Variants in PUS1 observed in about 807,000 individuals in gnomAD.
PUS1 encodes the protein pseudouridine synthase 1.
In PUS1, 25 loss-of-function variants were observed where a neutral mutation model predicts 38.5. That is an observed-to-expected ratio of 0.65 (90% CI 0.47 to 0.91). PUS1 has a LOEUF of 0.91. Ranked by LOEUF, PUS1 falls within the 40% of genes least tolerant of loss-of-function variation. The probability of loss-of-function intolerance (pLI) is 0.00; values close to 1 mark genes in which losing one functional copy is unlikely to be tolerated. For synonymous variants in PUS1, 282 were observed against 260.4 expected, an observed-to-expected ratio of 1.08 and a Z score of -0.80; for missense variants, 597 against 612.3, an observed-to-expected ratio of 0.97 and a Z score of 0.26.
At chr12:131,934,426 A>T (rs1003452518) in intron 3 of PUS1, among the ~76,000 whole-genome samples, 27 of 152,186 alleles carry the variant, frequency 1.8e-4, no homozygotes, top group Non-Finnish European at 3.1e-4. Flanking sequence ...CAGGGGGCTC[A>T]CACCCTTGTC....
At chr12:131,933,627 C>A (rs779766652) in intron 3 of PUS1, among the ~76,000 whole-genome samples, 3 of 152,154 alleles carry the variant, frequency 2.0e-5, no homozygotes, top group Admixed American at 1.3e-4. Flanking sequence ...GAAGCACATG[C>A]CAAGTGGTCC....
Position 131,932,164 on chromosome 12 carries a change from C to T in PUS1, c.304-11C>T, listed in dbSNP as rs1593288567. On this transcript the variant is annotated splice_polypyrimidine_tract_variant and intron_variant, in intron 2 of 5. Transcript: ENST00000376649. Reference sequence around the variant, plus strand: ...CAAAATATAAAATCTGTTTTTGTCTCCTTTTTCCAGAGGAATGTCGGGTCC... The same window carrying T: ...CAAAATATAAAATCTGTTTTTGTCTTCTTTTTCCAGAGGAATGTCGGGTCC... 2 of 1,613,770 alleles carry T rather than the reference C, an allele frequency of 1.2e-6. No individual in the cohort carries two copies. Among genetic ancestry groups the T allele is most frequent in the Non-Finnish European group, 1.7e-6 (2 of 1,179,782 alleles).
chr12:131,930,077 C>A lies in PUS1; in HGVS notation c.245C>A (p.Pro82His). The change falls in exon 2 of 6, where the codon CCC becomes CAC. Residue 82 changes from proline (P) to histidine (H), a missense_variant. Physicochemically the swap from Pro to His is moderately conservative, Grantham distance 77. Coordinates refer to ENST00000376649, the MANE Select transcript of PUS1 (RefSeq NM_025215.6). ...GGDEERREKP[P>H]KRKIVLLMAY... The stretch of plus-strand genomic sequence containing the variant: ...GACGAGGAGCGGCGCGAGAAGCCGC[C>A]CAAGCGGAAGATCGTGCTGCTCATG... The A allele has an allele frequency of 7.0e-7, 1 of 1,437,128 alleles. No homozygotes were observed. The allele number at this position is 1,437,128 out of a possible 1,614,324, so 89.0% of individuals were successfully genotyped here.
At position 131,943,579 on chromosome 12, in the gene PUS1, C is replaced by A; in HGVS notation, c.1277C>A (p.Thr426Asn). 1 of 1,613,336 alleles carries A rather than the reference C, an allele frequency of 6.2e-7. No individual in the cohort carries two copies. The highest frequency in any genetic ancestry group is 8.5e-7 in the Non-Finnish European group (1 of 1,179,518). ...GAAGGCAGTGAAGGGGACGGAGACA[C>A]TGACTGAGGCGATGGGAGCTGCCCA... ...PLEGSEGDGD[T>N]D Residue 426 changes from threonine (T) to asparagine (N), a missense_variant, in exon 6 of 6, where the codon ACT (threonine) becomes AAT (asparagine). Transcript: ENST00000376649.
rs140067992 is a variant in PUS1 at position 131,930,039 on chromosome 12, C to G, written c.207C>G (p.Leu69=). Residue 69 remains leucine (L), a synonymous_variant, in exon 2 of 6, where the codon CTC becomes CTG. Coordinates refer to ENST00000376649, the MANE Select transcript of PUS1 (RefSeq NM_025215.6). ...WEDGEHPAKK[L]KSGGDEERRE... ...ACGGAGAACATCCGGCGAAGAAGCT[C>G]AAGAGCGGTGGCGACGAGGAGCGGC... is the stretch of plus-strand genomic sequence containing the variant. The G allele has an allele frequency of 1.0e-4, 150 of 1,462,796 alleles. 1 individual carries two copies. The highest frequency in any genetic ancestry group is 7.9e-4 in the South Asian group (55 of 69,218). The allele number at this position is 1,462,796 out of a possible 1,614,324, so 90.6% of individuals were successfully genotyped here.
At chr12:131,930,697 C>T (rs536724670) in intron 2 of PUS1, among the ~76,000 whole-genome samples, 15 of 152,222 alleles carry the variant, frequency 9.9e-5, no homozygotes, top group Admixed American at 3.3e-4. Flanking sequence ...CCACACTGCT[C>T]GCTGCAGCCT....
chr12:131,938,520 G>A (rs560180499), intron 3 of PUS1, among the ~76,000 whole-genome samples: 19 of 152,240 alleles, frequency 1.2e-4, no homozygotes, highest in African/African-American at 4.1e-4. Flanking sequence ...TAAAGTGTGC[G>A]AGTCTTAAGT....
At position 131,929,901 on chromosome 12, in the gene PUS1, C is replaced by A. The variant is rs985654403; in HGVS notation, c.75-6C>A. 2 of 1,439,716 alleles carry A rather than the reference C, an allele frequency of 1.4e-6. No homozygotes were observed. Among genetic ancestry groups the A allele is most frequent in the African/African-American group, 1.5e-5 (1 of 67,236 alleles). 89.2% of individuals were successfully genotyped at this position (1,439,716 alleles called of 1,614,324 possible). A position where few individuals can be genotyped will look rare whatever the true frequency, so the allele number is the denominator to read the frequency against. On this transcript the variant is annotated splice_polypyrimidine_tract_variant and splice_region_variant and intron_variant, in intron 1 of 5. Coordinates refer to ENST00000376649, the MANE Select transcript of PUS1 (RefSeq NM_025215.6). Reference sequence around the variant, plus strand: ...GGGCCCCCGCTCACGCCGCCCTTCTCCGCAGCTCGCCGCGCATGGCCGGGA... The same window carrying A: ...GGGCCCCCGCTCACGCCGCCCTTCTACGCAGCTCGCCGCGCATGGCCGGGA...
At position 131,941,299 on chromosome 12, in the gene PUS1, G is replaced by A. The variant is rs1481004716; in HGVS notation, c.552G>A (p.Lys184=). Residue 184 remains lysine, a synonymous_variant, in exon 5 of 6, where the codon AAG becomes AAA. Coordinates refer to ENST00000376649, the MANE Select transcript of PUS1 (RefSeq NM_025215.6). This position sits in a 1 kb window ranked among gnomAD's most constrained non-coding sequence, Gnocchi z 4.4. The part of the protein sequence containing the change: ...LPSHIRILGL[K]RVTGGFNSKN... ...TGACCACCTCCCCCCTAGGACTGAA[G>A]CGGGTCACGGGCGGGTTTAACTCCA... 1 of 1,614,040 alleles carries A rather than the reference G, an allele frequency of 6.2e-7. No homozygotes were observed. The highest frequency in any genetic ancestry group is 8.5e-7 in the Non-Finnish European group (1 of 1,180,022).
intron 1 of PUS1, 23 bp from the exon 2 acceptor site, chr12:131,929,884 G>T (rs1302994119): frequency 8.5e-7 from 1 of 1,170,330 alleles, no homozygotes; most frequent in Non-Finnish European, 1.1e-6. Flanking sequence ...GCGGGCCCCC[G>T]CTCACGCCGC....
rs1855313415 is a variant in PUS1 at position 131,944,381 on chromosome 12, G to A, written c.*795G>A. 6.6e-6 allele frequency: 1 copy of A among 152,218 alleles called. No homozygotes were observed. Among genetic ancestry groups the A allele is most frequent in the Non-Finnish European group, 1.5e-5 (1 of 68,156 alleles). The allele number at this position is 152,218 out of a possible 1,614,324, so 9.4% of individuals were successfully genotyped here. ...ATACAAAAATTAGCTGGGCGCGATG[G>A]TGGGCGCCTGTAATCCCAGCTACTT... On this transcript the variant is annotated 3_prime_UTR_variant, in exon 6 of 6. Transcript: ENST00000376649.
rs1409310120 is a variant in PUS1, at chr12:131,942,595, A to AC, written c.1236+612_1236+613insC. Reference sequence around the variant, plus strand: ...CTCATTTTTTGTATTTTTAGTAGAGATGGGGTTTCACCATGTTAGCCAGGA... The same window carrying AC: ...CTCATTTTTTGTATTTTTAGTAGAGACTGGGGTTTCACCATGTTAGCCAGGA... On this transcript the variant is annotated intron_variant, in intron 5 of 5. Coordinates refer to ENST00000376649, the MANE Select transcript of PUS1 (RefSeq NM_025215.6). 1.7e-4 allele frequency among the ~76,000 whole-genome samples: 26 copies of AC among 152,006 alleles called. No homozygotes were observed. In the South Asian group the frequency reaches 2.9e-3, roughly 17 times the overall value.
At chr12:131,942,096 C>T (rs1392507207) in intron 5 of PUS1, 113 bp downstream of exon 5, 1 of 989,198 alleles carries the variant, frequency 1.0e-6, no homozygotes, top group East Asian at 2.6e-5. Context: ...CAAGGCCACA[C>T]AGCTGCTGCA....
In PUS1 at chr12:131,944,614, A is replaced by G. The variant is rs1891224157; in HGVS notation, c.*1028A>G. The G allele has an allele frequency of 6.6e-6, 1 of 152,614 alleles. No individual in the cohort carries two copies. The highest frequency in any genetic ancestry group is 1.5e-5 in the Non-Finnish European group (1 of 68,392). The allele number at this position is 152,614 out of a possible 1,614,324, so 9.5% of individuals were successfully genotyped here. On this transcript the variant is annotated 3_prime_UTR_variant, in exon 6 of 6. Transcript: ENST00000376649. Reference sequence around the variant, plus strand: ...AGCAGGGGCCCCGCTGACCTGCCGCATCCCCGAGAGGGGTGGCAGCCACGG... The same window carrying G: ...AGCAGGGGCCCCGCTGACCTGCCGCGTCCCCGAGAGGGGTGGCAGCCACGG...
At position 131,945,606 on chromosome 12, in the gene PUS1, C is replaced by A. The variant is rs1275736439; in HGVS notation, c.*2020C>A. On this transcript the variant is annotated 3_prime_UTR_variant, in exon 6 of 6. Transcript: ENST00000376649. The stretch of plus-strand genomic sequence containing the variant: ...GCGCCTCCCGGGCTCAAGCGATTCT[C>A]CTTCCTCAGCCTCCAGAGTAGCTGA... The A allele has an allele frequency of 2.0e-5, 3 of 152,296 alleles. No homozygotes were observed. The highest frequency in any genetic ancestry group is 7.2e-5 in the African/African-American group (3 of 41,464). 9.4% of individuals were successfully genotyped at this position (152,296 alleles called of 1,614,324 possible). A position where few individuals can be genotyped will look rare whatever the true frequency, so the allele number is the denominator to read the frequency against.
At chr12:131,934,992 C>A (rs1317208485) in intron 3 of PUS1, 1 of 152,214 alleles carries the variant, frequency 6.6e-6, no homozygotes, top group Non-Finnish European at 1.5e-5. Flanking sequence ...AGCCGTCGTA[C>A]AGAGGGGAGA....
chr12:131,937,526 C>T (rs1890882837), intron 3 of PUS1, among the ~76,000 whole-genome samples: 2 of 152,122 alleles, frequency 1.3e-5, no homozygotes. Context: ...AGGCACCTGC[C>T]ACCACTCCCA....
rs1342916480 is a variant in PUS1, at chr12:131,929,808, G to A, written c.74+12G>A. On this transcript the variant is annotated intron_variant, in intron 1 of 5. Coordinates refer to ENST00000376649, the MANE Select transcript of PUS1 (RefSeq NM_025215.6). Reference sequence around the variant, plus strand: ...CCGCGTCCGTCCTGGTAATGACCGCGACGCCGGGCGACCCCGCTATGCCCG... The same window carrying A: ...CCGCGTCCGTCCTGGTAATGACCGCAACGCCGGGCGACCCCGCTATGCCCG... 6.4e-7 allele frequency: 1 copy of A among 1,571,838 alleles called. No homozygotes were observed. Among genetic ancestry groups the A allele is most frequent in the South Asian group, 1.2e-5 (1 of 86,446 alleles).
chr12:131,936,424 G>T (rs1890835913), intron 3 of PUS1, among the ~76,000 whole-genome samples: 1 of 98,744 alleles, frequency 1.0e-5, no homozygotes, highest in Non-Finnish European at 2.2e-5. Flanking sequence ...TTAGCCAGGT[G>T]TGGTGGTGCA....
Sources: allele counts gnomAD v4.1 joint callset (sites outside exome capture counted in the v4.1 genomes callset), GRCh38; gene constraint gnomAD v4.1.1; non-coding constraint Gnocchi (gnomAD v3.1); transcripts MANE v1.5; gene names NCBI Gene and HGNC (gene_info 2026-07-23, HGNC 2026-07-21).